The following RASGRF1 variants were observed in gnomAD, a reference collection of about 807,000 sequenced individuals.
The protein encoded by RASGRF1 is Ras protein specific guanine nucleotide releasing factor 1.
In RASGRF1, 40 loss-of-function variants were observed where a neutral mutation model predicts 138.7. That is an observed-to-expected ratio of 0.29 (90% CI 0.22 to 0.38). The LOEUF is 0.38. Ranked by LOEUF, RASGRF1 falls within the 10% of genes least tolerant of loss-of-function variation. The pLI, the probability that RASGRF1 is intolerant of heterozygous loss-of-function variation, is 1.00. For synonymous variants in RASGRF1, 614 were observed against 663.2 expected (o/e 0.93, Z 1.14); for missense variants, 1,108 against 1,650.4 (o/e 0.67, Z 5.69).
intron 5 of RASGRF1, among the ~76,000 whole-genome samples, chr15:79,040,700 T>A (rs1476317942): frequency 6.6e-6 from 1 of 151,956 alleles, no homozygotes; most frequent in African/African-American, 2.4e-5. Flanking sequence ...ATTTTTAAAA[T>A]CAAGTTTTGG....
At chr15:79,009,889 T>C (rs540732731) in intron 13 of RASGRF1, among the ~76,000 whole-genome samples, 1 of 151,918 alleles carries the variant, frequency 6.6e-6, no homozygotes, top group African/African-American at 2.4e-5. Context: ...CACACCCAGC[T>C]AATTTTTTGT....
At chr15:79,072,301 A>G (rs1239817931) in intron 1 of RASGRF1, among the ~76,000 whole-genome samples, 6 of 60,382 alleles carry the variant, frequency 9.9e-5, no homozygotes, top group African/African-American at 2.9e-4. Flanking sequence ...TTTGAGACGC[A>G]GTCTCACTCT....
At chr15:78,966,778 C>T (rs1567415284) in intron 26 of RASGRF1, among the ~76,000 whole-genome samples, 1 of 152,126 alleles carries the variant, frequency 6.6e-6, no homozygotes, top group Non-Finnish European at 1.5e-5. Flanking sequence ...TCCAGTGCAG[C>T]AGCCATTAGC....
rs375348315 is a variant in RASGRF1 at position 79,012,412 on chromosome 15, A to G, written c.1826+2915T>C. The G allele has an allele frequency of 8.4e-4, 929 of 1,103,240 alleles. 2 individuals carry two copies. The highest frequency in any genetic ancestry group is 1.1e-3 in the Non-Finnish European group (834 of 734,952). 68.3% of individuals were successfully genotyped at this position (1,103,240 alleles called of 1,614,324 possible). ...CAGATTCCATTTTACAGCATGCACT[A>G]CACTGCTTTCTAATAATCTCTCTAT... On this transcript the variant is annotated intron_variant, in intron 13 of 26. Transcript: ENST00000558480.
chr15:78,965,811 A>G (rs570049924), intron 26 of RASGRF1, among the ~76,000 whole-genome samples: 1 of 152,364 alleles, frequency 6.6e-6, no homozygotes, highest in South Asian at 2.1e-4. Flanking sequence ...AGATCGCGCC[A>G]CTGCACTCCA....
intron 2 of RASGRF1, among the ~76,000 whole-genome samples, chr15:79,059,372 T>TCCTTCCCTTCCCTTCCCTTC (rs370008646): frequency 4.9e-4 from 19 of 38,456 alleles, no homozygotes; most frequent in African/African-American, 1.6e-3. Flanking sequence ...CCCTTCCCAA[T>TCCTTCCCTTCCCTTCCCTTC]CCTTCCCTTC....
chr15:79,086,170 C>T lies in RASGRF1; in HGVS notation c.276+4053G>A, dbSNP rs181252108. ...ATAGGTGCAAGCATCTTACATTCTGCGTTGTTGGCACCATATGTATACCAG... is the reference window on the plus strand; with the variant it reads ...ATAGGTGCAAGCATCTTACATTCTGTGTTGTTGGCACCATATGTATACCAG... On this transcript the variant is annotated intron_variant, in intron 1 of 26. Coordinates refer to ENST00000558480, the MANE Select transcript of RASGRF1 (RefSeq NM_001145648.3). Among the ~76,000 whole-genome samples, 27 of 152,258 alleles carry T rather than the reference C, an allele frequency of 1.8e-4. No individual in the cohort carries two copies. The East Asian group carries it at 4.8e-3, about 27-fold the overall frequency.
chr15:79,061,667 C>A (rs1033969470), intron 2 of RASGRF1, among the ~76,000 whole-genome samples: 11 of 152,030 alleles, frequency 7.2e-5, no homozygotes, highest in African/African-American at 2.7e-4. Context: ...TAACTGGAAC[C>A]AAATATCATG....
intron 20 of RASGRF1, among the ~76,000 whole-genome samples, chr15:78,995,077 G>A (rs1469904144): frequency 1.3e-5 from 2 of 151,796 alleles, no homozygotes; most frequent in African/African-American, 2.4e-5. Flanking sequence ...ACAGGCATGC[G>A]CCACCATGCC....
At position 78,964,183 on chromosome 15, in the gene RASGRF1, T is replaced by TA. The variant is rs560489785; in HGVS notation, c.3682-1948_3682-1947insT. ...GAGCAGTAATATTTATTTATTTATT[T>TA]TTTTTTTTGAGGGGGAATTTCATTC... is the stretch of plus-strand genomic sequence containing the variant. On this transcript the variant is annotated intron_variant, in intron 26 of 26. Transcript: ENST00000558480. Among the ~76,000 whole-genome samples, 16 of 152,110 alleles carry TA rather than the reference T, an allele frequency of 1.1e-4. No homozygotes were observed. In the South Asian group the frequency reaches 1.2e-3, roughly 12 times the overall value.
Position 79,004,156 on chromosome 15 carries a change from C to A in RASGRF1, c.2095G>T (p.Ala699Ser). 2 of 1,587,870 alleles carry A rather than the reference C, an allele frequency of 1.3e-6. No individual in the cohort carries two copies. Among genetic ancestry groups the A allele is most frequent in the Non-Finnish European group, 1.7e-6 (2 of 1,163,614 alleles). Residue 699 changes from alanine (A) to serine (S), a missense_variant, in exon 15 of 27, where the codon GCC becomes TCC. By Grantham distance (99) the Ala-to-Ser change is moderately conservative. Transcript: ENST00000558480. The stretch of plus-strand genomic sequence containing the variant: ...AGGAGCTTATTGTTCTGGCCACTGG[C>A]AAACAGGAGCTCCAGCGACCTGTGG... ...IPARSLELLF[A>S]SGQNNKLLYG... is the part of the protein sequence containing the mutation.
At position 79,023,775 on chromosome 15, in the gene RASGRF1, G is replaced by C. The variant is rs374645193; in HGVS notation, c.1542+1539C>G. ...AGCAGCCTCCAGGTCTCCTGTGCTG[G>C]AGGAGGGGACACCTGAGAAGGTCAC... On this transcript the variant is annotated intron_variant, in intron 10 of 26. Transcript: ENST00000558480. 2.0e-4 allele frequency among the ~76,000 whole-genome samples: 31 copies of C among 152,270 alleles called. No homozygotes were observed. In the South Asian group the frequency reaches 3.1e-3, roughly 15 times the overall value.
chr15:79,003,567 G>T (rs946872330), intron 15 of RASGRF1, among the ~76,000 whole-genome samples: 2 of 152,212 alleles, frequency 1.3e-5, no homozygotes, highest in African/African-American at 4.8e-5. Context: ...AAAGTGTGGC[G>T]ATGCCCTGGG....
chr15:79,004,790 C>A, intron 14 of RASGRF1: 1 of 985,530 alleles, frequency 1.0e-6, no homozygotes, highest in Non-Finnish European at 1.2e-6. Flanking sequence ...CAAACCATAG[C>A]TTGTCTCATC....
At chr15:78,993,962 C>T (rs769837509) in intron 20 of RASGRF1, among the ~76,000 whole-genome samples, 5 of 152,166 alleles carry the variant, frequency 3.3e-5, no homozygotes, top group Admixed American at 1.3e-4. Context: ...AGTGAGGCCG[C>T]GGGGCCCTCT....
intron 16 of RASGRF1, among the ~76,000 whole-genome samples, chr15:79,000,594 G>A (rs2056501091): frequency 6.6e-6 from 1 of 152,040 alleles, no homozygotes; most frequent in Non-Finnish European, 1.5e-5. Flanking sequence ...ATTGCTATTA[G>A]TAATAATAAT....
rs141077574 is a variant in RASGRF1, at chr15:78,991,753, G to C, written c.3069C>G (p.Ala1023=). The change falls in exon 21 of 27, where the codon GCC becomes GCG. Residue 1023 remains alanine, a synonymous_variant. Coordinates refer to ENST00000558480, the MANE Select transcript of RASGRF1 (RefSeq NM_001145648.3). Reference sequence around the variant, plus strand: ...GGGTCAGCTGCTCCGCGATCTCCAGGGCTGAGTGGTTTTCAAAGGGCTCAG... The same window carrying C: ...GGGTCAGCTGCTCCGCGATCTCCAGCGCTGAGTGGTTTTCAAAGGGCTCAG... The part of the protein sequence containing the change: ...VKAEPFENHS[A]LEIAEQLTLL... 6.2e-7 allele frequency: 1 copy of C among 1,614,106 alleles called. No homozygotes were observed. Among genetic ancestry groups the C allele is most frequent in the African/African-American group, 1.3e-5 (1 of 75,046 alleles).
intron 12 of RASGRF1, among the ~76,000 whole-genome samples, chr15:79,016,809 G>C (rs1366084254): frequency 6.6e-6 from 1 of 152,200 alleles, no homozygotes; most frequent in African/African-American, 2.4e-5. Flanking sequence ...ACAAAACCAA[G>C]AAGGTGGGGA....
In RASGRF1 at chr15:78,985,056, C is replaced by T. The variant is rs1472639455; in HGVS notation, c.3365G>A (p.Arg1122His). 3 of 1,614,126 alleles carry T rather than the reference C, an allele frequency of 1.9e-6. No homozygotes were observed. Among genetic ancestry groups the T allele is most frequent in the Admixed American group, 1.7e-5 (1 of 60,022 alleles). Residue 1122 changes from arginine to histidine, a missense_variant, in exon 23 of 27, where the codon CGC becomes CAC. Transcript: ENST00000558480. ...AVLEITSSMN[R>H]SAIFRLKKTW... Reference sequence around the variant, plus strand: ...CTTTTTGAGCCGGAAGATTGCACTGCGGTTCATGGACGAGGTGATCTCCAG... The same window carrying T: ...CTTTTTGAGCCGGAAGATTGCACTGTGGTTCATGGACGAGGTGATCTCCAG...
Sources: allele counts gnomAD v4.1 joint callset (sites outside exome capture counted in the v4.1 genomes callset), GRCh38; gene constraint gnomAD v4.1.1; transcripts MANE v1.5; gene names NCBI Gene and HGNC (gene_info 2026-07-23, HGNC 2026-07-21).